Variants in INPP5D observed in about 807,000 individuals in gnomAD.
INPP5D encodes the protein phosphatidylinositol 3,4,5-trisphosphate 5-phosphatase 1.
Under a neutral mutation model 122.9 loss-of-function variants are expected in INPP5D, and 33 were observed. The ratio of observed to expected loss-of-function variants is 0.27; its 90% CI spans 0.20 to 0.36. The LOEUF is 0.36. Among genes scored for constraint, INPP5D ranks in the 10% least tolerant of loss-of-function variants. The pLI is 1.00. For synonymous variants in INPP5D, 584 were observed against 576.2 expected, an observed-to-expected ratio of 1.01 and a Z score of -0.19; for missense variants, 1,053 against 1,412.7, an observed-to-expected ratio of 0.75 and a Z score of 4.08.
At chr2:233,157,302 G>A (rs36153144) in intron 9 of INPP5D, among the ~76,000 whole-genome samples, 25,481 of 151,972 alleles carry the variant, frequency 0.17, 3,846 homozygotes, top group African/African-American at 0.4. Flanking sequence ...GCTGTGCCTC[G>A]GCCCTTGAAG....
intron 5 of INPP5D, among the ~76,000 whole-genome samples, chr2:233,131,644 G>A (rs760688355): frequency 1.3e-5 from 2 of 152,188 alleles, no homozygotes; most frequent in Non-Finnish European, 2.9e-5. Flanking sequence ...AGGTTGTGGT[G>A]AGCCGAGATC....
At position 233,177,526 on chromosome 2, in the gene INPP5D, C is replaced by T. The variant is rs1227145638; in HGVS notation, c.2071+180C>T. Among the ~76,000 whole-genome samples, 1 of 152,230 alleles carries T rather than the reference C, an allele frequency of 6.6e-6. No individual in the cohort carries two copies. The highest frequency in any genetic ancestry group is 6.5e-5 in the Admixed American group (1 of 15,284). On this transcript the variant is annotated intron_variant, in intron 18 of 26. Transcript: ENST00000445964. This position sits in a 1 kb window ranked among gnomAD's most constrained non-coding sequence, Gnocchi z 4.2. ...CTTCCCTGCCTGTCTTGTGCTGCCACCTAATCCATATCCCCTGCTTTAGGA... is the reference window on the plus strand; with the variant it reads ...CTTCCCTGCCTGTCTTGTGCTGCCATCTAATCCATATCCCCTGCTTTAGGA...
At chr2:233,061,024 T>C (rs187631523) in intron 1 of INPP5D, among the ~76,000 whole-genome samples, 1 of 152,300 alleles carries the variant, frequency 6.6e-6, no homozygotes, top group East Asian at 1.9e-4. Context: ...GGGGGACCCT[T>C]CCTGGAGCAC....
chr2:233,067,023 C>A (rs1691248437), intron 1 of INPP5D, among the ~76,000 whole-genome samples: 1 of 152,220 alleles, frequency 6.6e-6, no homozygotes, highest in Non-Finnish European at 1.5e-5. Flanking sequence ...GGTGATCTGC[C>A]CGCCTAGGCC....
intron 2 of INPP5D, among the ~76,000 whole-genome samples, chr2:233,080,784 G>T (rs531901930): frequency 6.6e-6 from 1 of 152,322 alleles, no homozygotes; most frequent in South Asian, 2.1e-4. Context: ...TCCAGAAGTT[G>T]TCAAGAGGGA....
At chr2:233,130,684 C>T (rs569120324) in intron 5 of INPP5D, 36 bp downstream of exon 5, 18 of 1,611,382 alleles carry the variant, frequency 1.1e-5, no homozygotes, top group African/African-American at 9.4e-5. Flanking sequence ...CAGGTGGGGG[C>T]GGCCACCAGG....
intron 25 of INPP5D, among the ~76,000 whole-genome samples, chr2:233,200,955 C>T (rs1469537421): frequency 7.2e-6 from 1 of 139,668 alleles, no homozygotes; most frequent in Non-Finnish European, 1.6e-5. Flanking sequence ...AGCAAGACTC[C>T]ATCTCAAAAT....
At chr2:233,083,037 T>G (rs1224078710) in intron 2 of INPP5D, among the ~76,000 whole-genome samples, 1 of 152,232 alleles carries the variant, frequency 6.6e-6, no homozygotes, top group African/African-American at 2.4e-5. Context: ...TGATCCCAGG[T>G]GGCATCTGTC....
chr2:233,147,328 G>A (rs913890099), intron 8 of INPP5D, 143 bp from the exon 9 acceptor site: 14 of 610,320 alleles, frequency 2.3e-5, no homozygotes, highest in Non-Finnish European at 3.6e-5. Flanking sequence ...CACGTGCGCC[G>A]CTGGGGCAAG....
intron 2 of INPP5D, among the ~76,000 whole-genome samples, chr2:233,090,440 A>G (rs1691960386): frequency 6.6e-6 from 1 of 152,094 alleles, no homozygotes; most frequent in Non-Finnish European, 1.5e-5. Flanking sequence ...AGGATGCCCA[A>G]CCCATCTCCC....
In INPP5D at chr2:233,182,450, C is replaced by T; in HGVS notation, c.2112C>T (p.Val704=). 1 of 1,613,826 alleles carries T rather than the reference C, an allele frequency of 6.2e-7. No homozygotes were observed. Among genetic ancestry groups the T allele is most frequent in the Non-Finnish European group, 8.5e-7 (1 of 1,179,766 alleles). ...SDIMTSDHSP[V]FATFEAGVTS... is the part of the protein sequence containing the mutation. ...TCATGACGAGTGACCACAGCCCTGT[C>T]TTTGCCACATTTGAGGCAGGAGTCA... is the stretch of plus-strand genomic sequence containing the variant. Residue 704 remains valine (V), a synonymous_variant, in exon 19 of 27, where the codon GTC becomes GTT. Coordinates refer to ENST00000445964, the MANE Select transcript of INPP5D (RefSeq NM_001017915.3).
At chr2:233,143,180 T>C (rs1693665278) in intron 6 of INPP5D, among the ~76,000 whole-genome samples, 2 of 152,254 alleles carry the variant, frequency 1.3e-5, no homozygotes, top group Non-Finnish European at 2.9e-5. Context: ...TGGCATAGCA[T>C]ACAAACTCAT....
intron 5 of INPP5D, among the ~76,000 whole-genome samples, chr2:233,135,192 CT>C (rs56018008): frequency 0.36 from 53,541 of 146,850 alleles, 10,840 homozygotes; most frequent in Non-Finnish European, 0.45. Context: ...ACTGAAACAT[CT>C]TTTTTTTTTT....
rs913543494 is a variant in INPP5D at position 233,207,749 on chromosome 2, A to G, written c.*1041A>G. On this transcript the variant is annotated 3_prime_UTR_variant, in exon 27 of 27. Transcript: ENST00000445964. This position sits in a 1 kb window ranked among gnomAD's most constrained non-coding sequence, Gnocchi z 4.6. ...CTGCTTCCTTGGTTATTAGGAGAAT[A>G]GATGGGTGATGTCTTTCCTTATGTT... The G allele has an allele frequency of 6.6e-6, 1 of 152,372 alleles. No homozygotes were observed. Among genetic ancestry groups the G allele is most frequent in the African/African-American group, 2.4e-5 (1 of 41,462 alleles). 9.4% of individuals were successfully genotyped at this position (152,372 alleles called of 1,614,324 possible).
chr2:233,157,451 A>G (rs991317973), intron 9 of INPP5D, among the ~76,000 whole-genome samples: 9 of 152,238 alleles, frequency 5.9e-5, no homozygotes, highest in African/African-American at 2.2e-4. Flanking sequence ...AAAGTATGGC[A>G]ATTACTAACT....
intron 25 of INPP5D, among the ~76,000 whole-genome samples, chr2:233,203,681 G>A (rs542805594): frequency 1.1e-4 from 17 of 152,242 alleles, no homozygotes; most frequent in Admixed American, 3.9e-4. Flanking sequence ...TGCTTGAAGC[G>A]AAGAGTTCAA....
intron 2 of INPP5D, among the ~76,000 whole-genome samples, chr2:233,110,937 C>A (rs368116432): frequency 0.02 from 2,526 of 125,084 alleles, 60 homozygotes; most frequent in African/African-American, 0.085. Flanking sequence ...AAAAAAAAAA[C>A]AACAAAAAAA....
chr2:233,121,937 G>C (rs1692993083), intron 2 of INPP5D, among the ~76,000 whole-genome samples, 170 bp from the exon 3 acceptor site: 1 of 152,222 alleles, frequency 6.6e-6, no homozygotes, highest in Non-Finnish European at 1.5e-5. Flanking sequence ...GCTGGTTGCA[G>C]GATGTGAGGT....
intron 9 of INPP5D, among the ~76,000 whole-genome samples, chr2:233,148,634 G>C (rs140803184): frequency 0.47 from 72,137 of 151,900 alleles, 17,608 homozygotes; most frequent in East Asian, 0.66. Context: ...GGACCAGAGG[G>C]CTGACGAAAG....
Sources: gnomAD v4.1 joint callset for allele counts (sites outside exome capture counted in the v4.1 genomes callset) on GRCh38, gnomAD v4.1.1 for gene constraint, Gnocchi (gnomAD v3.1) non-coding constraint, MANE v1.5 for transcripts, NCBI Gene and HGNC (gene_info 2026-07-23, HGNC 2026-07-21) for gene names.